MYBPHL: variants seen among roughly 807,000 people sequenced by gnomAD.
The protein encoded by MYBPHL is myosin-binding protein H-like.
Under a neutral mutation model 39.5 loss-of-function variants are expected in MYBPHL, and 32 were observed. That is an observed-to-expected ratio of 0.81 (90% CI 0.61 to 1.09). The LOEUF (loss-of-function observed/expected upper bound fraction) is 1.09, where lower values mean the gene tolerates loss of function less well. Ranked by LOEUF, MYBPHL falls within the 50% of genes least tolerant of loss-of-function variation. The probability of loss-of-function intolerance (pLI) is 0.00; values close to 1 mark genes in which losing one functional copy is unlikely to be tolerated. For synonymous variants in MYBPHL, 196 were observed against 183.7 expected (o/e 1.07, Z -0.54); for missense variants, 456 against 460.2 (o/e 0.99, Z 0.08).
At chr1:109,294,999 G>T (rs896825005) in intron 7 of MYBPHL, 112 bp downstream of exon 7, 16 of 985,234 alleles carry the variant, frequency 1.6e-5, no homozygotes, top group African/African-American at 4.9e-5. Context: ...AAAGAGTCCA[G>T]CGGAGGAACC....
At position 109,306,899 on chromosome 1, in the gene MYBPHL, T is replaced by C; in HGVS notation, c.93A>G (p.Ser31=). The part of the protein sequence containing the change: ...SPADAEPPQA[S]PGQGAGSPTP... ...TGGGGCTGCCAGCCCCCTGTCCAGG[T>C]GAAGCCTGGGGTGGTTCAGCATCCG... The change falls in exon 1 of 9, where the codon TCA becomes TCG. Residue 31 remains serine, a synonymous_variant. Coordinates refer to ENST00000357155, the MANE Select transcript of MYBPHL (RefSeq NM_001010985.3). The C allele has an allele frequency of 6.2e-7, 1 of 1,604,752 alleles. No individual in the cohort carries two copies. Among genetic ancestry groups the C allele is most frequent in the Non-Finnish European group, 8.5e-7 (1 of 1,175,888 alleles).
intron 1 of MYBPHL, among the ~76,000 whole-genome samples, chr1:109,298,978 T>A (rs984033328): frequency 6.6e-6 from 1 of 152,220 alleles, no homozygotes; most frequent in African/African-American, 2.4e-5. Context: ...ATGATGTGTA[T>A]GGGCTTCCAG....
At chr1:109,293,576 T>A (rs990010384) in intron 8 of MYBPHL, among the ~76,000 whole-genome samples, 1 of 149,890 alleles carries the variant, frequency 6.7e-6, no homozygotes, top group Non-Finnish European at 1.5e-5. Flanking sequence ...ACCCCGTCTC[T>A]ACTAAAAAAA....
chr1:109,298,545 G>A (rs1658170824), intron 1 of MYBPHL, among the ~76,000 whole-genome samples: 2 of 152,152 alleles, frequency 1.3e-5, no homozygotes, highest in Admixed American at 6.5e-5. Context: ...ATCATCTGGA[G>A]GCATTCCATC....
chr1:109,297,447 G>A lies in MYBPHL; in HGVS notation c.405C>T (p.Thr135=), dbSNP rs567322910. 104 of 1,612,738 alleles carry A rather than the reference G, an allele frequency of 6.4e-5. 1 individual carries two copies. Among genetic ancestry groups the A allele is most frequent in the East Asian group, 2.7e-4 (12 of 44,856 alleles). The part of the protein sequence containing the change: ...LRVQLGGLEA[T]ATIDILVIER... Reference sequence around the variant, plus strand: ...CAATCACCAGGATGTCAATGGTGGCGGTGGCCTCCAGCCCACCCAGCTGCA... The same window carrying A: ...CAATCACCAGGATGTCAATGGTGGCAGTGGCCTCCAGCCCACCCAGCTGCA... The change falls in exon 3 of 9, where the codon ACC becomes ACT. Residue 135 remains threonine (T), a synonymous_variant. Transcript: ENST00000357155.
rs181344473 is a variant in MYBPHL at position 109,304,766 on chromosome 1, G to T, written c.145+2081C>A. ...ACACAGTACTCAGTGTAGTGCTGAG[G>T]ACAGACATAGAACTGTTTACCAATG... On this transcript the variant is annotated intron_variant, in intron 1 of 8. Transcript: ENST00000357155. 3.8e-3 allele frequency among the ~76,000 whole-genome samples: 585 copies of T among 152,346 alleles called. 3 individuals are homozygous for T. The highest frequency in any genetic ancestry group is 6.0e-3 in the Non-Finnish European group (410 of 68,038).
At chr1:109,297,276 T>C in intron 3 of MYBPHL, 87 bp from the exon 4 acceptor site, 1 of 1,592,976 alleles carries the variant, frequency 6.3e-7, no homozygotes, top group Non-Finnish European at 8.6e-7. Context: ...CTTTTTCTCC[T>C]CAGTTACCCC....
chr1:109,293,273 C>T (rs1173574646), intron 8 of MYBPHL, among the ~76,000 whole-genome samples: 1 of 152,102 alleles, frequency 6.6e-6, no homozygotes, highest in Non-Finnish European at 1.5e-5. Flanking sequence ...TGCTCAGCTC[C>T]CTCCCACAGA....
intron 7 of MYBPHL, 145 bp from the exon 8 acceptor site, chr1:109,294,394 A>T: frequency 1.4e-6 from 1 of 695,586 alleles, no homozygotes; most frequent in Non-Finnish European, 2.5e-6. Context: ...AGAGAAGAAC[A>T]GGACATGTAA....
chr1:109,296,317 T>G lies in MYBPHL; in HGVS notation c.784A>C (p.Lys262Gln), dbSNP rs1473528387. Reference protein sequence around the residue: ...FAQRDFSEAPKFTQPLADCTT... With the variant: ...FAQRDFSEAPQFTQPLADCTT... ...CAGTCGGCCAGAGGCTGGGTAAACT[T>G]TGGGGCTTCAGAGAAGTCTCGTTGG... The change falls in exon 6 of 9, where the codon AAG (lysine) becomes CAG (glutamine). Residue 262 changes from lysine to glutamine, a missense_variant. By Grantham distance (53) the Lys-to-Gln change is moderately conservative. Coordinates refer to ENST00000357155, the MANE Select transcript of MYBPHL (RefSeq NM_001010985.3). 6.2e-7 allele frequency: 1 copy of G among 1,613,982 alleles called. No individual in the cohort carries two copies. The highest frequency in any genetic ancestry group is 1.3e-5 in the African/African-American group (1 of 74,900).
intron 1 of MYBPHL, among the ~76,000 whole-genome samples, chr1:109,305,861 C>A (rs1447816081): frequency 6.6e-6 from 1 of 152,224 alleles, no homozygotes; most frequent in Non-Finnish European, 1.5e-5. Context: ...TTATTTACAT[C>A]TTAGTTTGGC....
chr1:109,294,129 A>G, intron 8 of MYBPHL, 77 bp downstream of exon 8: 1 of 967,438 alleles, frequency 1.0e-6, no homozygotes, highest in Non-Finnish European at 1.7e-6. Flanking sequence ...TCAGGAATGC[A>G]CCTCTGTCCC....
intron 6 of MYBPHL, 133 bp downstream of exon 6, chr1:109,296,101 C>A: frequency 1.8e-6 from 2 of 1,113,956 alleles, no homozygotes; most frequent in Non-Finnish European, 2.6e-6. Flanking sequence ...TTCCTAAATA[C>A]CGTGCTGTAG....
intron 1 of MYBPHL, among the ~76,000 whole-genome samples, 156 bp downstream of exon 1, chr1:109,306,691 G>A (rs1350827821): frequency 2.6e-5 from 4 of 152,184 alleles, no homozygotes; most frequent in Non-Finnish European, 5.9e-5. Flanking sequence ...CAAGGACAGG[G>A]GATGGGGGCT....
At position 109,295,194 on chromosome 1, in the gene MYBPHL, C is replaced by A. The variant is rs1388539034; in HGVS notation, c.971G>T (p.Gly324Val). ...GICSLEIRKPGPFDGGIYTCK... is the reference protein window; with the variant it reads ...GICSLEIRKPVPFDGGIYTCK... Reference sequence around the variant, plus strand: ...GGTATAGATGCCTCCATCAAAGGGACCCGGCTTGCGGATCTCTAGGGAGCA... The same window carrying A: ...GGTATAGATGCCTCCATCAAAGGGAACCGGCTTGCGGATCTCTAGGGAGCA... Residue 324 changes from glycine to valine, a missense_variant, in exon 7 of 9, where the codon GGT becomes GTT. By Grantham distance (109) the Gly-to-Val change is moderately radical. Transcript: ENST00000357155. 2 of 1,614,020 alleles carry A rather than the reference C, an allele frequency of 1.2e-6. No homozygotes were observed. The highest frequency in any genetic ancestry group is 1.7e-6 in the Non-Finnish European group (2 of 1,180,042).
intron 1 of MYBPHL, among the ~76,000 whole-genome samples, chr1:109,303,029 A>C (rs2101488008): frequency 6.6e-6 from 1 of 152,348 alleles, no homozygotes; most frequent in African/African-American, 2.4e-5. Flanking sequence ...CAGAGCCCCA[A>C]GATGAAAGAG....
chr1:109,295,077 C>T, intron 7 of MYBPHL, 34 bp downstream of exon 7: 4 of 1,600,706 alleles, frequency 2.5e-6, no homozygotes, highest in Non-Finnish European at 3.4e-6. Flanking sequence ...AGGTGACTGG[C>T]ACCCTAAGGC....
Position 109,296,366 on chromosome 1 carries a change from A to G in MYBPHL, c.735T>C (p.Thr245=). 1.9e-6 allele frequency: 3 copies of G among 1,614,012 alleles called. 1 individual carries two copies. The South Asian group carries it at 3.3e-5, about 18-fold the overall frequency. The change falls in exon 6 of 9, where the codon ACT becomes ACC. Residue 245 remains threonine (T), a synonymous_variant. Coordinates refer to ENST00000357155, the MANE Select transcript of MYBPHL (RefSeq NM_001010985.3). ...GGGCAAACCCCTTGGTCTTGTAAAC[A>G]GTAGCTGAGGGCACCAAGAGGGGCT... ...TDLAHIQKAA[T]VYKTKGFAQR... is the part of the protein sequence containing the mutation.
chr1:109,298,328 C>T, intron 1 of MYBPHL, 71 bp from the exon 2 acceptor site: 5 of 1,406,444 alleles, frequency 3.6e-6, no homozygotes, highest in Non-Finnish European at 4.9e-6. Flanking sequence ...CAGCTGCCTG[C>T]TGTGGGTGAG....
Sources: gnomAD v4.1 joint callset for allele counts (sites outside exome capture counted in the v4.1 genomes callset) on GRCh38, gnomAD v4.1.1 for gene constraint, MANE v1.5 for transcripts, NCBI Gene and HGNC (gene_info 2026-07-23, HGNC 2026-07-21) for gene names.